APBB1IP: variants seen among roughly 807,000 people sequenced by gnomAD.
APBB1IP encodes the protein amyloid beta A4 precursor protein-binding family B member 1-interacting protein.
A neutral mutation model predicts 64.9 loss-of-function variants in APBB1IP; 27 were observed. That is an observed-to-expected ratio of 0.42 (90% confidence interval 0.31 to 0.57). The LOEUF is 0.57. Ranked by LOEUF, APBB1IP falls within the 20% of genes least tolerant of loss-of-function variation. The pLI is 0.20. For missense variants in APBB1IP, 812 were observed against 845.5 expected, an observed-to-expected ratio of 0.96 and a Z score of 0.49; for synonymous variants, 392 against 331.0, an observed-to-expected ratio of 1.18 and a Z score of -2.00.
chr10:26,439,299 C>T (rs887804422), intron 2 of APBB1IP, among the ~76,000 whole-genome samples: 2 of 152,100 alleles, frequency 1.3e-5, no homozygotes, highest in East Asian at 3.9e-4. Context: ...AAATGCCAGC[C>T]GTGTGAGAAT....
chr10:26,500,686 C>A, intron 4 of APBB1IP, 133 bp from the exon 5 acceptor site: 1 of 858,840 alleles, frequency 1.2e-6, no homozygotes, highest in Admixed American at 2.9e-5. Context: ...AAAATATTCT[C>A]AATCTTCTCA....
intron 2 of APBB1IP, among the ~76,000 whole-genome samples, chr10:26,460,323 A>G (rs1370172388): frequency 6.6e-6 from 1 of 152,208 alleles, no homozygotes; most frequent in Non-Finnish European, 1.5e-5. Flanking sequence ...GAATGTAGTC[A>G]AGAAAGACAA....
At chr10:26,443,267 C>T (rs1372680258) in intron 2 of APBB1IP, among the ~76,000 whole-genome samples, 1 of 151,534 alleles carries the variant, frequency 6.6e-6, no homozygotes, top group Non-Finnish European at 1.5e-5. Context: ...ACTAAAAATA[C>T]AAAAAAATTA....
intron 11 of APBB1IP, among the ~76,000 whole-genome samples, chr10:26,558,392 G>A (rs769214062): frequency 6.6e-6 from 1 of 152,100 alleles, no homozygotes; most frequent in Non-Finnish European, 1.5e-5. Flanking sequence ...GCCATGCGCT[G>A]GCCATGTGCT....
intron 8 of APBB1IP, among the ~76,000 whole-genome samples, chr10:26,528,069 A>G (rs1334866125): frequency 6.6e-6 from 1 of 152,196 alleles, no homozygotes; most frequent in Non-Finnish European, 1.5e-5. Flanking sequence ...GAGTACAGGC[A>G]AATGACAGAA....
chr10:26,524,955 C>CTTTCTTTTTTTTTTTT (rs747655095), intron 8 of APBB1IP, among the ~76,000 whole-genome samples: 2 of 73,970 alleles, frequency 2.7e-5, no homozygotes, highest in African/African-American at 4.6e-5. Flanking sequence ...TTCTTTCTTT[C>CTTTCTTTTTTTTTTTT]TTTTTTTTTT....
chr10:26,560,624 G>T, intron 12 of APBB1IP, 106 bp from the exon 13 acceptor site: 1 of 721,340 alleles, frequency 1.4e-6, no homozygotes, highest in South Asian at 2.7e-5. Context: ...GTGGTGAACA[G>T]AGTAGCCGTG....
At chr10:26,516,055 A>ACTTTTTT in intron 8 of APBB1IP, among the ~76,000 whole-genome samples, 1 of 152,314 alleles carries the variant, frequency 6.6e-6, no homozygotes, top group South Asian at 2.1e-4. Flanking sequence ...AAAATGACAG[A>ACTTTTTT]ACAAAGGGAA....
At chr10:26,452,620 C>T (rs950690190) in intron 2 of APBB1IP, among the ~76,000 whole-genome samples, 5 of 152,182 alleles carry the variant, frequency 3.3e-5, no homozygotes, top group African/African-American at 9.7e-5. Context: ...AAATGAGATA[C>T]TGTAGGTGTC....
At chr10:26,465,695 C>G (rs1835640279) in intron 2 of APBB1IP, among the ~76,000 whole-genome samples, 1 of 152,162 alleles carries the variant, frequency 6.6e-6, no homozygotes, top group African/African-American at 2.4e-5. Context: ...TGTTTAAGCA[C>G]TGAATTTTGA....
chr10:26,567,708 G>A lies in APBB1IP; in HGVS notation c.*220G>A, dbSNP rs1588624041. The A allele has an allele frequency of 8.8e-7, 1 of 1,134,344 alleles. No homozygotes were observed. Among genetic ancestry groups the A allele is most frequent in the Non-Finnish European group, 1.1e-6 (1 of 876,118 alleles). 70.3% of individuals were successfully genotyped at this position (1,134,344 alleles called of 1,614,324 possible). ...CCATGTATTTTAACCTAAATGGAAT[G>A]TATCTTCCCTTCCAAGCTGCCTAAA... On this transcript the variant is annotated 3_prime_UTR_variant, in exon 15 of 15. Coordinates refer to ENST00000376236, the MANE Select transcript of APBB1IP (RefSeq NM_019043.4).
chr10:26,516,191 A>G (rs1359538199), intron 8 of APBB1IP, among the ~76,000 whole-genome samples: 2 of 152,100 alleles, frequency 1.3e-5, no homozygotes, highest in African/African-American at 4.8e-5. Context: ...ACAAACAAAC[A>G]AACAAACAGA....
intron 6 of APBB1IP, among the ~76,000 whole-genome samples, chr10:26,507,551 G>A (rs546593701): frequency 6.6e-6 from 1 of 152,218 alleles, no homozygotes; most frequent in Non-Finnish European, 1.5e-5. Context: ...GGATTGTAGG[G>A]GCAAGGTATG....
chr10:26,525,275 T>C (rs1836459539), intron 8 of APBB1IP, among the ~76,000 whole-genome samples: 1 of 151,972 alleles, frequency 6.6e-6, no homozygotes, highest in African/African-American at 2.4e-5. Context: ...GAGTGAGATC[T>C]GTCTAAAAAA....
chr10:26,565,434 A>G (rs1181954754), intron 14 of APBB1IP, among the ~76,000 whole-genome samples: 1 of 152,196 alleles, frequency 6.6e-6, no homozygotes, highest in Non-Finnish European at 1.5e-5. Context: ...AGGGTGGTTT[A>G]TAGACTGAGC....
intron 14 of APBB1IP, among the ~76,000 whole-genome samples, chr10:26,566,091 G>GT (rs571813199): frequency 1.8e-3 from 272 of 151,910 alleles, no homozygotes; most frequent in South Asian, 0.017. Context: ...AGTTACATTC[G>GT]TTTTTTTTGC....
intron 3 of APBB1IP, among the ~76,000 whole-genome samples, chr10:26,495,715 G>A (rs1246054928): frequency 6.6e-6 from 1 of 150,876 alleles, no homozygotes; most frequent in African/African-American, 2.4e-5. Flanking sequence ...GTGGCCAAGT[G>A]GATGTACTCA....
chr10:26,536,039 G>A lies in APBB1IP; in HGVS notation c.901-35G>A, dbSNP rs201760197. 3.7e-5 allele frequency: 57 copies of A among 1,538,796 alleles called. No individual in the cohort carries two copies. In the East Asian group the frequency reaches 6.5e-4, roughly 17 times the overall value. ...AATAAAAATGCGTGCTTTATCTTTC[G>A]TGTGTGTCTTATGTCGTCGGAATCT... On this transcript the variant is annotated intron_variant, in intron 9 of 14. Coordinates refer to ENST00000376236, the MANE Select transcript of APBB1IP (RefSeq NM_019043.4).
chr10:26,523,373 T>C lies in APBB1IP; in HGVS notation c.813+9713T>C, dbSNP rs565350843. 7.2e-5 allele frequency among the ~76,000 whole-genome samples: 11 copies of C among 152,338 alleles called. No homozygotes were observed. The South Asian group carries it at 2.3e-3, about 32-fold the overall frequency. On this transcript the variant is annotated intron_variant, in intron 8 of 14. Coordinates refer to ENST00000376236, the MANE Select transcript of APBB1IP (RefSeq NM_019043.4). ...TGAAAGCAAAGAATTAGAATCCACA[T>C]GACTTCCAAAAGGATTTGTGATGAG...
Sources: gnomAD v4.1 joint callset for allele counts (sites outside exome capture counted in the v4.1 genomes callset) on GRCh38, gnomAD v4.1.1 for gene constraint, MANE v1.5 for transcripts, NCBI Gene and HGNC (gene_info 2026-07-23, HGNC 2026-07-21) for gene names.